Variants in LIMD1 observed in about 807,000 individuals in gnomAD.
LIMD1 encodes LIM domain-containing protein 1.
In LIMD1, 23 loss-of-function variants were observed where a neutral mutation model predicts 58.4. The ratio of observed to expected loss-of-function variants is 0.39; its 90% CI spans 0.28 to 0.56. The LOEUF (loss-of-function observed/expected upper bound fraction) is 0.56, where lower values mean the gene tolerates loss of function less well. Ranked by LOEUF, LIMD1 falls within the 20% of genes least tolerant of loss-of-function variation. LIMD1 has a pLI of 0.57. For missense variants in LIMD1, 838 were observed against 855.5 expected, an observed-to-expected ratio of 0.98 and a Z score of 0.25; for synonymous variants, 334 against 345.5, an observed-to-expected ratio of 0.97 and a Z score of 0.37.
intron 1 of LIMD1, among the ~76,000 whole-genome samples, chr3:45,606,558 G>A (rs1701470092): frequency 6.6e-6 from 1 of 152,192 alleles, no homozygotes; most frequent in African/African-American, 2.4e-5. Context: ...GCAGGGCAGT[G>A]GACAGAGCCC....
intron 1 of LIMD1, among the ~76,000 whole-genome samples, chr3:45,609,696 A>T (rs989669127): frequency 3.3e-5 from 5 of 152,246 alleles, no homozygotes; most frequent in Admixed American, 3.3e-4. Context: ...TAACTCATTC[A>T]TTCAGCAGCT....
intron 2 of LIMD1, among the ~76,000 whole-genome samples, chr3:45,642,923 C>T (rs1271115849): frequency 6.6e-6 from 1 of 152,190 alleles, no homozygotes; most frequent in Non-Finnish European, 1.5e-5. Flanking sequence ...GTGGGTCTCC[C>T]TCCTCTCCCC....
chr3:45,628,663 T>C (rs1019098818), intron 1 of LIMD1, among the ~76,000 whole-genome samples: 4 of 152,242 alleles, frequency 2.6e-5, no homozygotes, highest in Non-Finnish European at 5.9e-5. Context: ...CCTAGGCCTT[T>C]ACTCAAGAGA....
intron 1 of LIMD1, among the ~76,000 whole-genome samples, chr3:45,603,816 A>G (rs1012737345): frequency 3.9e-5 from 6 of 152,130 alleles, no homozygotes; most frequent in African/African-American, 9.7e-5. Flanking sequence ...CATTTTTTTA[A>G]TGGACCAGGC....
intron 1 of LIMD1, among the ~76,000 whole-genome samples, chr3:45,597,469 T>G (rs949544226): frequency 3.3e-5 from 5 of 152,250 alleles, no homozygotes; most frequent in African/African-American, 1.2e-4. Context: ...TTCTCTTTTT[T>G]AAAACCACAA....
Position 45,661,929 on chromosome 3 carries a change from T to C in LIMD1, c.1511-3721T>C, listed in dbSNP as rs541372196. Among the ~76,000 whole-genome samples the C allele has an allele frequency of 2.0e-5, 3 of 152,282 alleles. No individual in the cohort carries two copies. The South Asian group carries it at 6.2e-4, about 32-fold the overall frequency. On this transcript the variant is annotated intron_variant, in intron 2 of 7. Transcript: ENST00000273317. ...TGCCCCACTACACCTAGCTAACTTT[T>C]TTATTATTTGTAGAGATGGGATCTT...
intron 2 of LIMD1, among the ~76,000 whole-genome samples, chr3:45,645,485 T>C (rs1251572233): frequency 6.6e-6 from 1 of 152,244 alleles, no homozygotes; most frequent in African/African-American, 2.4e-5. Context: ...GTTGGAAGTC[T>C]GTACCTTTCC....
chr3:45,653,861 G>T (rs1701997510), intron 2 of LIMD1, among the ~76,000 whole-genome samples: 1 of 121,562 alleles, frequency 8.2e-6, no homozygotes, highest in Admixed American at 1.2e-4. Flanking sequence ...TGTGAGCCAA[G>T]ATTGCACCAC....
intron 1 of LIMD1, 70 bp downstream of exon 1, chr3:45,596,357 C>T (rs1160623722): frequency 2.4e-6 from 3 of 1,251,212 alleles, no homozygotes; most frequent in East Asian, 2.5e-5. Flanking sequence ...AACATGCCCC[C>T]TACCAGGGAT....
chr3:45,619,465 A>G (rs1365666750), intron 1 of LIMD1, among the ~76,000 whole-genome samples: 1 of 152,214 alleles, frequency 6.6e-6, no homozygotes, highest in East Asian at 1.9e-4. Context: ...TCGAATTTGC[A>G]TGGGACAGTC....
chr3:45,652,750 CTT>C (rs1468023315), intron 2 of LIMD1, among the ~76,000 whole-genome samples: 2 of 152,222 alleles, frequency 1.3e-5, no homozygotes, highest in Admixed American at 1.3e-4. Context: ...TGTCCTCTGA[CTT>C]TGGTTAGTTT....
intron 4 of LIMD1, among the ~76,000 whole-genome samples, chr3:45,672,097 T>C (rs1025052368): frequency 2.6e-5 from 4 of 152,208 alleles, no homozygotes; most frequent in African/African-American, 7.2e-5. Flanking sequence ...ACTTTACTTA[T>C]TACACTTGGA....
At chr3:45,645,644 A>G (rs1200605322) in intron 2 of LIMD1, among the ~76,000 whole-genome samples, 2 of 152,188 alleles carry the variant, frequency 1.3e-5, no homozygotes, top group Non-Finnish European at 2.9e-5. Flanking sequence ...GCAGTGCCTC[A>G]TCTCAGAGCC....
chr3:45,610,208 A>C (rs1325032422), intron 1 of LIMD1, among the ~76,000 whole-genome samples: 1 of 152,154 alleles, frequency 6.6e-6, no homozygotes, highest in Non-Finnish European at 1.5e-5. Context: ...TTCTCGAATG[A>C]ATATGTGTAC....
At chr3:45,602,986 G>A (rs571172134) in intron 1 of LIMD1, among the ~76,000 whole-genome samples, 8 of 152,162 alleles carry the variant, frequency 5.3e-5, no homozygotes, top group South Asian at 2.1e-4. Context: ...GATTACAGGC[G>A]CGCACCACCA....
chr3:45,609,604 G>T (rs534783838), intron 1 of LIMD1, among the ~76,000 whole-genome samples: 3 of 152,084 alleles, frequency 2.0e-5, no homozygotes, highest in African/African-American at 7.2e-5. Flanking sequence ...GCTTTCCTGC[G>T]GGGTTCCACA....
chr3:45,667,701 G>A (rs1203825388), intron 3 of LIMD1, among the ~76,000 whole-genome samples: 1 of 151,922 alleles, frequency 6.6e-6, no homozygotes, highest in African/African-American at 2.4e-5. Context: ...ACCAGAACCG[G>A]AGTTGAATTT....
At chr3:45,656,377 G>A (rs1702027216) in intron 2 of LIMD1, among the ~76,000 whole-genome samples, 1 of 151,658 alleles carries the variant, frequency 6.6e-6, no homozygotes, top group Admixed American at 6.6e-5. Context: ...AGAGAGACCT[G>A]GGTTCGAATC....
In LIMD1 at chr3:45,668,337, G is replaced by T; in HGVS notation, c.1622G>T (p.Gly541Val). 2 of 1,612,870 alleles carry T rather than the reference G, an allele frequency of 1.2e-6. No homozygotes were observed. The highest frequency in any genetic ancestry group is 1.1e-5 in the South Asian group (1 of 90,988). Reference sequence around the variant, plus strand: ...TCGGCTGACAGGTGTTTTCTTTGTGGACATCTGATCATGGACATGGTGAGT... The same window carrying T: ...TCGGCTGACAGGTGTTTTCTTTGTGTACATCTGATCATGGACATGGTGAGT... ...QQSADRCFLC[G>V]HLIMDMILQA... The change falls in exon 4 of 8, where the codon GGA becomes GTA. Residue 541 changes from glycine to valine, a missense_variant. Gly to Val is a moderately radical substitution (Grantham distance 109, BLOSUM62 -3). This residue lies in a region of LIMD1 where 174 missense variants were observed against 197.4 expected (regional missense o/e 0.88). Transcript: ENST00000273317.
Sources: gnomAD v4.1 joint callset for allele counts (sites outside exome capture counted in the v4.1 genomes callset) on GRCh38, gnomAD v4.1.1 for gene constraint, gnomAD v4.1.1 regional missense constraint, MANE v1.5 for transcripts, NCBI Gene and HGNC (gene_info 2026-07-23, HGNC 2026-07-21) for gene names.